NCAM2: variants seen among roughly 807,000 people sequenced by gnomAD.
NCAM2 encodes N-CAM-2.
A neutral mutation model predicts 98.1 loss-of-function variants in NCAM2; 30 were observed. The observed-to-expected ratio is 0.31, with a 90% CI of 0.23 to 0.41. The LOEUF is 0.41. Among genes scored for constraint, NCAM2 ranks in the 10% least tolerant of loss-of-function variants. The probability of loss-of-function intolerance (pLI) is 1.00; values close to 1 mark genes in which losing one functional copy is unlikely to be tolerated. For synonymous variants in NCAM2, 368 were observed against 342.4 expected (o/e 1.07, Z -0.83); for missense variants, 867 against 1,005.8 (o/e 0.86, Z 1.87).
rs78148920 is a variant in NCAM2 at position 21,338,010 on chromosome 21, T to C, written c.899-379T>C. On this transcript the variant is annotated intron_variant, in intron 7 of 17. Coordinates refer to ENST00000400546, the MANE Select transcript of NCAM2 (RefSeq NM_004540.5). ...GTGTGTATGTGTATATATACATATA[T>C]GTGCACACATATGCACCCATATGCA... is the stretch of plus-strand genomic sequence containing the variant. Among the ~76,000 whole-genome samples the C allele has an allele frequency of 1.4e-3, 212 of 152,218 alleles. 4 individuals carry two copies. The East Asian group carries it at 0.039, about 28-fold the overall frequency.
intron 1 of NCAM2, among the ~76,000 whole-genome samples, chr21:21,105,978 A>G (rs2066336247): frequency 1.3e-5 from 2 of 152,110 alleles, no homozygotes; most frequent in South Asian, 4.1e-4. Flanking sequence ...GGGTATGTTT[A>G]TCATTAATCT....
intron 1 of NCAM2, among the ~76,000 whole-genome samples, chr21:21,218,148 C>T (rs189471203): frequency 3.0e-4 from 45 of 152,264 alleles, no homozygotes; most frequent in Admixed American, 2.1e-3. Flanking sequence ...AAATAGAGAA[C>T]ACTTTGCATA....
intron 8 of NCAM2, among the ~76,000 whole-genome samples, chr21:21,364,523 A>G (rs1602113755): frequency 6.6e-6 from 1 of 152,030 alleles, no homozygotes; most frequent in Non-Finnish European, 1.5e-5. Context: ...TATACATCTA[A>G]TGACATAGGT....
intron 1 of NCAM2, among the ~76,000 whole-genome samples, chr21:21,062,384 A>G (rs2065341360): frequency 6.6e-6 from 1 of 152,096 alleles, no homozygotes. Flanking sequence ...AATTCCAATC[A>G]CAGTAATACA....
intron 1 of NCAM2, among the ~76,000 whole-genome samples, chr21:21,034,760 T>C (rs2064763550): frequency 1.3e-5 from 2 of 152,166 alleles, no homozygotes; most frequent in Admixed American, 1.3e-4. Flanking sequence ...ATTTTTTTTC[T>C]CTCCAGTCCC....
chr21:21,151,804 G>A (rs1453296829), intron 1 of NCAM2, among the ~76,000 whole-genome samples: 2 of 151,658 alleles, frequency 1.3e-5, no homozygotes, highest in Non-Finnish European at 2.9e-5. Context: ...TTCTTTTCTT[G>A]TTTGCATTAT....
chr21:21,521,942 T>C (rs1359183234), intron 16 of NCAM2, among the ~76,000 whole-genome samples: 1 of 151,054 alleles, frequency 6.6e-6, no homozygotes, highest in East Asian at 1.9e-4. Context: ...AATTCAAACA[T>C]GTAAAAAGAA....
At chr21:21,400,714 T>A (rs1382088263) in intron 9 of NCAM2, among the ~76,000 whole-genome samples, 1 of 151,880 alleles carries the variant, frequency 6.6e-6, no homozygotes, top group Admixed American at 6.6e-5. Flanking sequence ...GCCTCCCAAG[T>A]AGCAGGGATC....
intron 1 of NCAM2, among the ~76,000 whole-genome samples, chr21:21,133,455 C>T (rs1308720720): frequency 6.6e-6 from 1 of 152,170 alleles, no homozygotes; most frequent in African/African-American, 2.4e-5. Context: ...ACTCCTAATT[C>T]ATTAGCCACT....
chr21:21,502,525 C>CTTTAGTT (rs1336924554), intron 15 of NCAM2, among the ~76,000 whole-genome samples: 9 of 151,940 alleles, frequency 5.9e-5, no homozygotes, highest in Non-Finnish European at 1.3e-4. Flanking sequence ...TTTTAATCTT[C>CTTTAGTT]TTTAGTTTTT....
chr21:21,228,801 G>T (rs1040564807), intron 1 of NCAM2, among the ~76,000 whole-genome samples: 1 of 151,392 alleles, frequency 6.6e-6, no homozygotes, highest in Non-Finnish European at 1.5e-5. Context: ...CATATCTGCT[G>T]CAACTTTTAA....
intron 15 of NCAM2, among the ~76,000 whole-genome samples, chr21:21,496,706 A>G (rs1306590234): frequency 6.6e-6 from 1 of 152,078 alleles, no homozygotes; most frequent in Non-Finnish European, 1.5e-5. Flanking sequence ...GTCAAGAAGA[A>G]TATTTCTTAG....
At chr21:21,012,120 A>T (rs1167604799) in intron 1 of NCAM2, among the ~76,000 whole-genome samples, 1 of 152,148 alleles carries the variant, frequency 6.6e-6, no homozygotes, top group Admixed American at 6.5e-5. Flanking sequence ...TTGCTTTTGA[A>T]TGGCCAAATC....
chr21:21,254,804 A>C (rs1403677234), intron 1 of NCAM2, among the ~76,000 whole-genome samples: 1 of 152,070 alleles, frequency 6.6e-6, no homozygotes, highest in Non-Finnish European at 1.5e-5. Context: ...TAGGCCCTCC[A>C]TTTGTGGCAA....
intron 12 of NCAM2, among the ~76,000 whole-genome samples, chr21:21,444,875 C>A (rs1258430539): frequency 6.6e-6 from 1 of 152,026 alleles, no homozygotes; most frequent in Non-Finnish European, 1.5e-5. Flanking sequence ...CTTCTGCTAG[C>A]TTTGTGGTTA....
At chr21:21,294,686 A>G (rs1221503151) in intron 5 of NCAM2, among the ~76,000 whole-genome samples, 1 of 151,862 alleles carries the variant, frequency 6.6e-6, no homozygotes, top group East Asian at 1.9e-4. Flanking sequence ...CTGCTGAGAG[A>G]ATGCATTGAC....
At chr21:21,357,532 A>G (rs1345768698) in intron 8 of NCAM2, among the ~76,000 whole-genome samples, 3 of 152,072 alleles carry the variant, frequency 2.0e-5, no homozygotes, top group African/African-American at 7.2e-5. Context: ...CTGCACTTTT[A>G]AAAAAAGCTC....
chr21:21,279,233 AT>A (rs2072839940), intron 1 of NCAM2, among the ~76,000 whole-genome samples: 1 of 152,196 alleles, frequency 6.6e-6, no homozygotes, highest in Non-Finnish European at 1.5e-5. Context: ...AATGAGAAAC[AT>A]TTTCCCCCTT....
chr21:21,151,343 C>G (rs540215415), intron 1 of NCAM2, among the ~76,000 whole-genome samples: 1 of 152,044 alleles, frequency 6.6e-6, no homozygotes, highest in South Asian at 2.1e-4. Context: ...CAACATGTGC[C>G]ATGTTGGTGT....
Sources: allele counts gnomAD v4.1 joint callset (sites outside exome capture counted in the v4.1 genomes callset), GRCh38; gene constraint gnomAD v4.1.1; transcripts MANE v1.5; gene names NCBI Gene and HGNC (gene_info 2026-07-23, HGNC 2026-07-21).